ZNF100: variants seen among roughly 807,000 people sequenced by gnomAD.
The protein encoded by ZNF100 is zinc finger protein 100 (Y1).
A neutral mutation model predicts 15.8 loss-of-function variants in ZNF100; 12 were observed. The ratio of observed to expected loss-of-function variants is 0.76; its 90% CI spans 0.49 to 1.23. The LOEUF is 1.23. ZNF100 is among the 50% of genes most tolerant of loss of function. The pLI is 0.00. For missense variants in ZNF100, 670 were observed against 635.6 expected (o/e 1.05, Z -0.58); for synonymous variants, 226 against 214.8 (o/e 1.05, Z -0.45).
intron 2 of ZNF100, among the ~76,000 whole-genome samples, chr19:21,756,209 G>T (rs1227786199): frequency 6.6e-6 from 1 of 152,034 alleles, no homozygotes; most frequent in Non-Finnish European, 1.5e-5. Context: ...GGCATTGAAG[G>T]TACATACTTC....
intron 2 of ZNF100, 96 bp downstream of exon 2, chr19:21,765,598 C>T (rs1024968264): frequency 4.6e-6 from 5 of 1,080,726 alleles, no homozygotes; most frequent in Middle Eastern, 2.4e-4. Context: ...TTGTGTTTCC[C>T]CTCAATACCA....
chr19:21,738,161 G>A (rs754145412), intron 4 of ZNF100, among the ~76,000 whole-genome samples: 2 of 141,304 alleles, frequency 1.4e-5, no homozygotes, highest in Non-Finnish European at 3.0e-5. Context: ...TGAGTCAGGG[G>A]AACTGCTTGA....
At chr19:21,765,248 C>A (rs1235093592) in intron 2 of ZNF100, among the ~76,000 whole-genome samples, 1 of 152,234 alleles carries the variant, frequency 6.6e-6, no homozygotes, top group South Asian at 2.1e-4. Flanking sequence ...AGGTGACAAA[C>A]CCAGGTAGTG....
chr19:21,747,621 G>A (rs1234388614), intron 2 of ZNF100, among the ~76,000 whole-genome samples: 1 of 152,170 alleles, frequency 6.6e-6, no homozygotes, highest in East Asian at 1.9e-4. Context: ...CTGACATTCA[G>A]CACTCTTGTC....
chr19:21,754,632 T>C (rs114512103), intron 2 of ZNF100, among the ~76,000 whole-genome samples: 1,748 of 152,102 alleles, frequency 0.011, 36 homozygotes, highest in African/African-American at 0.04. Flanking sequence ...TATACAAAAA[T>C]TAACTTATAC....
intron 4 of ZNF100, among the ~76,000 whole-genome samples, chr19:21,730,046 G>A (rs1198449850): frequency 6.6e-6 from 1 of 151,864 alleles, no homozygotes; most frequent in Non-Finnish European, 1.5e-5. Context: ...GAGAGAAAAT[G>A]AGTGACCAAG....
rs1347463679 is a variant in ZNF100 at position 21,727,773 on chromosome 19, T to A, written c.539A>T (p.Asp180Val). The A allele has an allele frequency of 1.2e-6, 2 of 1,613,816 alleles. No individual in the cohort carries two copies. The highest frequency in any genetic ancestry group is 1.3e-5 in the African/African-American group (1 of 74,932). Residue 180 changes from aspartate to valine, a missense_variant, in exon 5 of 5, where the codon GAT becomes GTT. Coordinates refer to ENST00000358296, the MANE Select transcript of ZNF100 (RefSeq NM_173531.4). ...TGTATGAAAGACTTTTGCAGATGGA[T>A]CACATTGAAATATGTTGCTCTGGGT... is the stretch of plus-strand genomic sequence containing the variant. ...ITTQSNIFQC[D>V]PSAKVFHTFS...
Position 21,725,667 on chromosome 19 carries a change from CTT to C in ZNF100, c.*1014_*1015del, listed in dbSNP as rs2035766750. 6.6e-6 allele frequency: 1 copy of C among 152,148 alleles called. No homozygotes were observed. The highest frequency in any genetic ancestry group is 1.5e-5 in the Non-Finnish European group (1 of 67,998). 9.4% of individuals were successfully genotyped at this position (152,148 alleles called of 1,614,324 possible). A position where few individuals can be genotyped will look rare whatever the true frequency, so the allele number is the denominator to read the frequency against. Reference sequence around the variant, plus strand: ...AAGAGTTGAATTACATTATTACTCACTTTTCAAAAAATCTAATTTTTTCAAAA... The same window carrying C: ...AAGAGTTGAATTACATTATTACTCACTTCAAAAAATCTAATTTTTTCAAAA... On this transcript the variant is annotated 3_prime_UTR_variant, in exon 5 of 5. Coordinates refer to ENST00000358296, the MANE Select transcript of ZNF100 (RefSeq NM_173531.4).
In ZNF100 at chr19:21,765,713, A is replaced by C; in HGVS notation, c.77T>G (p.Val26Gly). The change falls in exon 2 of 5, where the codon GTG becomes GGG. Residue 26 changes from valine to glycine, a missense_variant. By Grantham distance (109) the Val-to-Gly change is moderately radical. Coordinates refer to ENST00000358296, the MANE Select transcript of ZNF100 (RefSeq NM_173531.4). ...GGTTACCTTTTCAAAATAAGACTGCACCAGAAGACTCCTCTCAGCCCCAGG... is the reference window on the plus strand; with the variant it reads ...GGTTACCTTTTCAAAATAAGACTGCCCCAGAAGACTCCTCTCAGCCCCAGG... Reference protein sequence around the residue: ...GCPGAERSLLVQSYFEKGPLT... With the variant: ...GCPGAERSLLGQSYFEKGPLT... 1 of 1,614,110 alleles carries C rather than the reference A, an allele frequency of 6.2e-7. No homozygotes were observed. Among genetic ancestry groups the C allele is most frequent in the Non-Finnish European group, 8.5e-7 (1 of 1,179,996 alleles).
intron 4 of ZNF100, among the ~76,000 whole-genome samples, chr19:21,731,384 C>G (rs1033676459): frequency 2.0e-5 from 3 of 150,442 alleles, no homozygotes; most frequent in Non-Finnish European, 4.4e-5. Flanking sequence ...TCTTGGCTCA[C>G]TGCAACCTCC....
At chr19:21,733,539 C>T (rs1280824873) in intron 4 of ZNF100, among the ~76,000 whole-genome samples, 3 of 152,176 alleles carry the variant, frequency 2.0e-5, no homozygotes, top group Non-Finnish European at 4.4e-5. Context: ...GGTAGTAACA[C>T]AGGAAATGAG....
Position 21,765,632 on chromosome 19 carries a change from C to T in ZNF100, c.96+62G>A, listed in dbSNP as rs147987398. 8.8e-4 allele frequency: 1,320 copies of T among 1,493,170 alleles called. 25 individuals are homozygous for T. The East Asian group carries it at 0.028, about 31-fold the overall frequency. The allele number at this position is 1,493,170 out of a possible 1,614,324, so 92.5% of individuals were successfully genotyped here. Reference sequence around the variant, plus strand: ...CAGCATCTGATTGGCTGACCAGCAACGTGTCTCCAAGAAATGAAAGCTGGG... The same window carrying T: ...CAGCATCTGATTGGCTGACCAGCAATGTGTCTCCAAGAAATGAAAGCTGGG... On this transcript the variant is annotated intron_variant, in intron 2 of 4. Transcript: ENST00000358296.
At chr19:21,744,378 T>C (rs1047277943) in intron 3 of ZNF100, among the ~76,000 whole-genome samples, 14 of 152,172 alleles carry the variant, frequency 9.2e-5, no homozygotes, top group African/African-American at 3.4e-4. Flanking sequence ...TATATATACA[T>C]TTATTTATTT....
intron 2 of ZNF100, among the ~76,000 whole-genome samples, chr19:21,760,210 T>A (rs2036459763): frequency 6.6e-6 from 1 of 151,302 alleles, no homozygotes; most frequent in African/African-American, 2.4e-5. Flanking sequence ...ATTGCTATTA[T>A]TCTAATATGA....
chr19:21,728,818 G>T lies in ZNF100; in HGVS notation c.323-829C>A, dbSNP rs574950308. On this transcript the variant is annotated intron_variant, in intron 4 of 4. Transcript: ENST00000358296. ...ACTATAAAAAAGATGTATACACACC[G>T]ATTTTAAAAATTGAAAATAAATTGA... Among the ~76,000 whole-genome samples, 14 of 151,808 alleles carry T rather than the reference G, an allele frequency of 9.2e-5. No homozygotes were observed. The South Asian group carries it at 2.5e-3, about 27-fold the overall frequency.
intron 2 of ZNF100, among the ~76,000 whole-genome samples, chr19:21,761,755 T>C (rs1039078964): frequency 3.3e-5 from 5 of 152,182 alleles, no homozygotes; most frequent in Non-Finnish European, 5.9e-5. Context: ...CTTCCAGCCA[T>C]AGCAGTTCAC....
intron 4 of ZNF100, among the ~76,000 whole-genome samples, chr19:21,738,789 T>A (rs763328314): frequency 1.3e-5 from 2 of 151,806 alleles, no homozygotes; most frequent in Non-Finnish European, 2.9e-5. Context: ...ACTAAAAAAC[T>A]ACAAAAATTA....
At chr19:21,731,061 A>G (rs1163885793) in intron 4 of ZNF100, among the ~76,000 whole-genome samples, 3 of 150,292 alleles carry the variant, frequency 2.0e-5, no homozygotes, top group Non-Finnish European at 4.4e-5. Context: ...AGTACCCAAG[A>G]GTCTTCAAAA....
intron 2 of ZNF100, among the ~76,000 whole-genome samples, chr19:21,765,219 T>C (rs2036539819): frequency 6.6e-6 from 1 of 152,174 alleles, no homozygotes; most frequent in Non-Finnish European, 1.5e-5. Flanking sequence ...GAGGTCAAAA[T>C]AAGTGACAAA....
Sources: gnomAD v4.1 joint callset for allele counts (sites outside exome capture counted in the v4.1 genomes callset) on GRCh38, gnomAD v4.1.1 for gene constraint, MANE v1.5 for transcripts, NCBI Gene and HGNC (gene_info 2026-07-23, HGNC 2026-07-21) for gene names.